Variants in MECOM observed in about 807,000 individuals in gnomAD.
MECOM encodes the protein histone-lysine N-methyltransferase MECOM.
In MECOM, 13 loss-of-function variants were observed where a neutral mutation model predicts 116.3. The observed-to-expected ratio is 0.11, with a 90% confidence interval of 0.07 to 0.18. MECOM has a LOEUF of 0.18. Among genes scored for constraint, MECOM ranks in the 10% least tolerant of loss-of-function variants. MECOM has a pLI of 1.00. For missense variants in MECOM, 1,299 were observed against 1,509.0 expected (o/e 0.86, Z 2.31); for synonymous variants, 528 against 535.2 (o/e 0.99, Z 0.19).
chr3:169,577,996 A>G (rs1764709743), intron 1 of MECOM, among the ~76,000 whole-genome samples: 2 of 152,294 alleles, frequency 1.3e-5, no homozygotes, highest in South Asian at 4.1e-4. Context: ...ATTAGTAAGC[A>G]AAGTAGGAAA....
rs1310987523 is a variant in MECOM, at chr3:169,381,381, C to T, written c.181G>A (p.Gly61Ser). The T allele has an allele frequency of 6.2e-7, 1 of 1,613,712 alleles. No individual in the cohort carries two copies. Among genetic ancestry groups the T allele is most frequent in the Non-Finnish European group, 8.5e-7 (1 of 1,179,820 alleles). Residue 61 changes from glycine to serine, a missense_variant, in exon 2 of 17, where the codon GGT (glycine) becomes AGT (serine). This residue lies in a region of MECOM where 374 missense variants were observed against 433.4 expected (regional missense o/e 0.86). Coordinates refer to ENST00000651503, the MANE Select transcript of MECOM (RefSeq NM_004991.4). ...TSSEAFTPKE[G>S]SPYKAPIYIP... ...TAGATGGGGGCTTTGTAAGGAGAAC[C>T]CTCCTTTGGAGTGAATGCTTCACTG...
chr3:169,397,223 A>T (rs1009701099), intron 1 of MECOM, among the ~76,000 whole-genome samples: 6 of 152,206 alleles, frequency 3.9e-5, no homozygotes, highest in Non-Finnish European at 8.8e-5. Context: ...CAAGATCAAC[A>T]TAGTCATTGA....
At chr3:169,559,656 T>C (rs1385254602) in intron 1 of MECOM, among the ~76,000 whole-genome samples, 10 of 152,204 alleles carry the variant, frequency 6.6e-5, no homozygotes, top group East Asian at 1.9e-4. Context: ...TTATCTAAAA[T>C]AGTCCTCACA....
intron 1 of MECOM, among the ~76,000 whole-genome samples, chr3:169,408,594 T>C (rs1287327106): frequency 6.6e-6 from 1 of 152,206 alleles, no homozygotes; most frequent in Non-Finnish European, 1.5e-5. Context: ...GATGTGTTCT[T>C]TAAAGAACTT....
At chr3:169,118,436 C>T (rs1729885642) in intron 7 of MECOM, among the ~76,000 whole-genome samples, 1 of 151,906 alleles carries the variant, frequency 6.6e-6, no homozygotes, top group Non-Finnish European at 1.5e-5. Flanking sequence ...TAACCATACA[C>T]CATAAATATA....
chr3:169,111,036 G>A (rs1433558799), intron 9 of MECOM, among the ~76,000 whole-genome samples: 1 of 152,022 alleles, frequency 6.6e-6, no homozygotes, highest in African/African-American at 2.4e-5. Flanking sequence ...TAACAGCTGC[G>A]AATTCATACA....
intron 2 of MECOM, among the ~76,000 whole-genome samples, chr3:169,315,732 T>C (rs557640502): frequency 6.6e-6 from 1 of 152,358 alleles, no homozygotes; most frequent in African/African-American, 2.4e-5. Flanking sequence ...AATTCCTGTA[T>C]TCCTTTGTAA....
At chr3:169,315,496 A>C (rs1364836071) in intron 2 of MECOM, among the ~76,000 whole-genome samples, 5 of 152,200 alleles carry the variant, frequency 3.3e-5, no homozygotes, top group Admixed American at 6.5e-5. Flanking sequence ...AGACAAATTC[A>C]ACCATCTTAC....
At chr3:169,509,105 T>C (rs1324073922) in intron 1 of MECOM, among the ~76,000 whole-genome samples, 2 of 152,160 alleles carry the variant, frequency 1.3e-5, no homozygotes, top group Non-Finnish European at 2.9e-5. Flanking sequence ...GCCTCAGGGC[T>C]TCATCTTCCC....
chr3:169,264,624 T>G (rs572013689), intron 2 of MECOM, among the ~76,000 whole-genome samples: 8 of 152,274 alleles, frequency 5.3e-5, no homozygotes, highest in African/African-American at 1.4e-4. Flanking sequence ...TACAGAGAAG[T>G]TGACATACCT....
At chr3:169,555,895 G>A (rs558058606) in intron 1 of MECOM, among the ~76,000 whole-genome samples, 2 of 152,304 alleles carry the variant, frequency 1.3e-5, no homozygotes, top group Admixed American at 6.5e-5. Context: ...GCATCTAAAC[G>A]ATCTCTGAAA....
At chr3:169,497,687 T>C (rs1047025638) in intron 1 of MECOM, among the ~76,000 whole-genome samples, 1 of 152,196 alleles carries the variant, frequency 6.6e-6, no homozygotes, top group East Asian at 1.9e-4. Context: ...TCATCCTGCA[T>C]ACCTTTGCCA....
intron 1 of MECOM, among the ~76,000 whole-genome samples, chr3:169,382,877 A>AG (rs1732689664): frequency 7.3e-6 from 1 of 136,546 alleles, no homozygotes; most frequent in Admixed American, 7.5e-5. Context: ...AAAAAAATAA[A>AG]AAAAGAAGGT....
At chr3:169,308,471 C>T (rs781275290) in intron 2 of MECOM, among the ~76,000 whole-genome samples, 1 of 152,160 alleles carries the variant, frequency 6.6e-6, no homozygotes, top group Non-Finnish European at 1.5e-5. Flanking sequence ...GTTTTGTACA[C>T]AAGGGCTGCT....
chr3:169,191,092 C>T (rs1389531019), intron 2 of MECOM, among the ~76,000 whole-genome samples: 1 of 151,978 alleles, frequency 6.6e-6, no homozygotes, highest in East Asian at 1.9e-4. Flanking sequence ...TGGAAGGTAG[C>T]TGTGCTTTAT....
intron 2 of MECOM, among the ~76,000 whole-genome samples, chr3:169,273,812 G>T (rs1759253730): frequency 6.6e-6 from 1 of 151,876 alleles, no homozygotes. Context: ...TGAAGAGGAT[G>T]GTTTTGTCCC....
chr3:169,120,974 A>G, intron 7 of MECOM, 82 bp downstream of exon 7: 1 of 1,443,788 alleles, frequency 6.9e-7, no homozygotes, highest in East Asian at 2.4e-5. Flanking sequence ...TCTAAAGGCC[A>G]TGTGCAGCCA....
At chr3:169,262,835 T>C (rs1757725182) in intron 2 of MECOM, among the ~76,000 whole-genome samples, 1 of 151,784 alleles carries the variant, frequency 6.6e-6, no homozygotes. Flanking sequence ...TATTTTGTTT[T>C]GCCACAGAGG....
intron 8 of MECOM, among the ~76,000 whole-genome samples, chr3:169,114,693 A>G (rs1044510483): frequency 2.0e-5 from 3 of 152,224 alleles, no homozygotes; most frequent in African/African-American, 7.2e-5. Flanking sequence ...CTAGTATTTT[A>G]AAACTAAATC....
Sources: allele counts gnomAD v4.1 joint callset (sites outside exome capture counted in the v4.1 genomes callset), GRCh38; gene constraint gnomAD v4.1.1; regional missense constraint gnomAD v4.1.1; transcripts MANE v1.5; gene names NCBI Gene and HGNC (gene_info 2026-07-23, HGNC 2026-07-21).